Variants in MMP16 observed in about 807,000 individuals in gnomAD.
MMP16 encodes matrix metallopeptidase 16.
Under a neutral mutation model 67.8 loss-of-function variants are expected in MMP16, and 12 were observed. That is an observed-to-expected ratio of 0.18 (90% CI 0.11 to 0.29). The LOEUF is 0.29. MMP16 is among the 10% of genes least tolerant of loss of function. The pLI, the probability that MMP16 is intolerant of heterozygous loss-of-function variation, is 1.00. For synonymous variants in MMP16, 249 were observed against 255.9 expected, an observed-to-expected ratio of 0.97 and a Z score of 0.26; for missense variants, 475 against 765.7, an observed-to-expected ratio of 0.62 and a Z score of 4.48.
intron 1 of MMP16, among the ~76,000 whole-genome samples, chr8:88,285,417 G>A (rs1008230099): frequency 1.3e-5 from 2 of 152,150 alleles, no homozygotes; most frequent in Admixed American, 1.3e-4. Flanking sequence ...TGGGATTATA[G>A]TTGTGAGCCA....
chr8:88,120,786 A>G (rs915495960), intron 4 of MMP16, among the ~76,000 whole-genome samples: 11 of 152,056 alleles, frequency 7.2e-5, no homozygotes, highest in African/African-American at 2.4e-4. Flanking sequence ...AACTGATGCA[A>G]CTTCTTGGTC....
At chr8:88,065,739 C>T (rs1808455743) in intron 7 of MMP16, among the ~76,000 whole-genome samples, 1 of 152,024 alleles carries the variant, frequency 6.6e-6, no homozygotes, top group Admixed American at 6.6e-5. Flanking sequence ...CTCAAATGAA[C>T]TTCATGAATA....
intron 1 of MMP16, among the ~76,000 whole-genome samples, chr8:88,259,121 C>T (rs926351663): frequency 5.3e-5 from 8 of 152,120 alleles, no homozygotes; most frequent in African/African-American, 1.9e-4. Flanking sequence ...TGTAACTGAA[C>T]TGTCATTTGA....
At chr8:88,091,450 G>C (rs141937967) in intron 6 of MMP16, among the ~76,000 whole-genome samples, 1 of 151,538 alleles carries the variant, frequency 6.6e-6, no homozygotes, top group African/African-American at 2.4e-5. Flanking sequence ...ATTTCTTCTG[G>C]GTATAGAGTG....
chr8:88,112,187 C>CT (rs60025472), intron 6 of MMP16, among the ~76,000 whole-genome samples: 6,151 of 141,574 alleles, frequency 0.043, 134 homozygotes, highest in Admixed American at 0.064. Context: ...GGCAACTATC[C>CT]TTTTTTTTTT....
chr8:88,164,290 T>C (rs989924366), intron 4 of MMP16, among the ~76,000 whole-genome samples: 3 of 151,956 alleles, frequency 2.0e-5, no homozygotes, highest in Non-Finnish European at 4.4e-5. Context: ...CCAGGGGGCA[T>C]TCCAGGACTA....
intron 6 of MMP16, among the ~76,000 whole-genome samples, chr8:88,079,217 C>T (rs1808704456): frequency 6.6e-6 from 1 of 152,106 alleles, no homozygotes; most frequent in African/African-American, 2.4e-5. Flanking sequence ...CCCTCTGTTT[C>T]TGTGGTTTCG....
intron 6 of MMP16, among the ~76,000 whole-genome samples, chr8:88,078,868 AAGCC>A (rs1213351483): frequency 2.6e-5 from 4 of 152,166 alleles, no homozygotes; most frequent in Admixed American, 2.6e-4. Context: ...CTCCTCTGCC[AAGCC>A]ACCTTGGTCC....
At chr8:88,317,132 C>T (rs1325173613) in intron 1 of MMP16, among the ~76,000 whole-genome samples, 3 of 152,154 alleles carry the variant, frequency 2.0e-5, no homozygotes, top group Admixed American at 2.0e-4. Context: ...ATTACATAAA[C>T]GTAGTTGATA....
chr8:88,103,220 A>G (rs1331349420), intron 6 of MMP16, among the ~76,000 whole-genome samples: 2 of 151,730 alleles, frequency 1.3e-5, no homozygotes, highest in Non-Finnish European at 2.9e-5. Context: ...CTTTCCCGAT[A>G]TATGTGGTCC....
At chr8:88,211,327 AGTT>A (rs1190534285) in intron 1 of MMP16, among the ~76,000 whole-genome samples, 1 of 152,168 alleles carries the variant, frequency 6.6e-6, no homozygotes, top group African/African-American at 2.4e-5. Context: ...AATATGTTGT[AGTT>A]ATTATTATTG....
At chr8:88,321,283 G>C (rs1035087388) in intron 1 of MMP16, among the ~76,000 whole-genome samples, 3 of 152,026 alleles carry the variant, frequency 2.0e-5, no homozygotes, top group African/African-American at 7.2e-5. Flanking sequence ...GTGTATATTT[G>C]TATACATATA....
At position 88,038,632 on chromosome 8, in the gene MMP16, T is replaced by A. The variant is rs1281475215; in HGVS notation, c.*2829A>T. 1 of 152,550 alleles carries A rather than the reference T, an allele frequency of 6.6e-6. No individual in the cohort carries two copies. The highest frequency in any genetic ancestry group is 1.5e-5 in the Non-Finnish European group (1 of 67,986). The allele number at this position is 152,550 out of a possible 1,614,324, so 9.4% of individuals were successfully genotyped here. A position where few individuals can be genotyped will look rare whatever the true frequency, so the allele number is the denominator to read the frequency against. On this transcript the variant is annotated 3_prime_UTR_variant, in exon 10 of 10. Transcript: ENST00000286614. The surrounding 1 kb of genome is among the most constrained non-coding windows in gnomAD (Gnocchi z 4.1). ...TTTAGCAAAATATAGTTTCCAGTTA[T>A]TTTTTTCTTGACATCAAGGCCCTAA...
intron 1 of MMP16, among the ~76,000 whole-genome samples, chr8:88,198,992 T>A (rs1223886420): frequency 6.6e-6 from 1 of 152,106 alleles, no homozygotes; most frequent in Non-Finnish European, 1.5e-5. Flanking sequence ...ATACCTATTG[T>A]TAACGTAATG....
chr8:88,112,448 G>T (rs555180319), intron 6 of MMP16, among the ~76,000 whole-genome samples: 1 of 151,794 alleles, frequency 6.6e-6, no homozygotes, highest in Admixed American at 6.6e-5. Context: ...ATCAGATCTT[G>T]CTGTTGTCAG....
intron 6 of MMP16, 49 bp downstream of exon 6, chr8:88,116,458 A>C: frequency 6.7e-7 from 1 of 1,499,584 alleles, no homozygotes; most frequent in Non-Finnish European, 9.2e-7. Context: ...CTAAAGCAAC[A>C]CTAGACACTT....
chr8:88,052,970 C>G (rs755901817), intron 8 of MMP16, among the ~76,000 whole-genome samples: 10 of 152,162 alleles, frequency 6.6e-5, no homozygotes, highest in Non-Finnish European at 1.3e-4. Flanking sequence ...ATTTGTCTCC[C>G]CCAACACAGT....
chr8:88,052,025 C>A (rs1265410722), intron 8 of MMP16, among the ~76,000 whole-genome samples: 2 of 152,106 alleles, frequency 1.3e-5, no homozygotes, highest in African/African-American at 4.8e-5. Flanking sequence ...AAAGAACCGT[C>A]ATTTCATCTA....
chr8:88,093,756 A>G (rs943589877), intron 6 of MMP16, among the ~76,000 whole-genome samples: 2 of 152,028 alleles, frequency 1.3e-5, no homozygotes, highest in African/African-American at 2.4e-5. Flanking sequence ...AGGTAGGTGA[A>G]TTACAAATGC....
Sources: gnomAD v4.1 joint callset for allele counts (sites outside exome capture counted in the v4.1 genomes callset) on GRCh38, gnomAD v4.1.1 for gene constraint, Gnocchi (gnomAD v3.1) non-coding constraint, MANE v1.5 for transcripts, NCBI Gene and HGNC (gene_info 2026-07-23, HGNC 2026-07-21) for gene names.